NPSR1: variants seen among roughly 807,000 people sequenced by gnomAD.
NPSR1 encodes neuropeptide S receptor 1, also known as neuropeptide S receptor.
Under a neutral mutation model 46.9 loss-of-function variants are expected in NPSR1, and 48 were observed. That is an observed-to-expected ratio of 1.02 (90% CI 0.81 to 1.30). NPSR1 has a LOEUF of 1.30. NPSR1 is among the 50% of genes most tolerant of loss of function. NPSR1 has a pLI of 0.00. For synonymous variants in NPSR1, 176 were observed against 168.1 expected (o/e 1.05, Z -0.36); for missense variants, 450 against 449.5 (o/e 1.00, Z -0.01).
intron 2 of NPSR1, among the ~76,000 whole-genome samples, chr7:34,687,000 CT>C (rs1277418006): frequency 1.4e-5 from 2 of 146,704 alleles, no homozygotes; most frequent in South Asian, 2.2e-4. Context: ...TCAGTTTTAC[CT>C]TGCTTCAGCC....
intron 8 of NPSR1, among the ~76,000 whole-genome samples, chr7:34,876,798 A>G (rs1791585580): frequency 6.6e-6 from 1 of 152,190 alleles, no homozygotes; most frequent in South Asian, 2.1e-4. Context: ...GTCTGAGACC[A>G]TTGAATATGA....
intron 1 of NPSR1, among the ~76,000 whole-genome samples, chr7:34,669,552 G>C (rs554517283): frequency 2.3e-4 from 35 of 150,176 alleles, no homozygotes; most frequent in African/African-American, 8.4e-4. Context: ...CTGGGCGACA[G>C]AGCGAGACTC....
chr7:34,764,915 AAGAGAAGC>A (rs1562711451), intron 2 of NPSR1, among the ~76,000 whole-genome samples: 1 of 152,204 alleles, frequency 6.6e-6, no homozygotes, highest in Non-Finnish European at 1.5e-5. Context: ...ACTGGGACAA[AAGAGAAGC>A]CCTAAAACCA....
chr7:34,809,460 A>ATTTTTTTT (rs1157591101), intron 3 of NPSR1, among the ~76,000 whole-genome samples: 7 of 110,822 alleles, frequency 6.3e-5, no homozygotes, highest in Non-Finnish European at 1.1e-4. Flanking sequence ...TCACCCAGGT[A>ATTTTTTTT]TTTTTTTTTT....
At chr7:34,838,118 C>A (rs563604296) in intron 6 of NPSR1, among the ~76,000 whole-genome samples, 2 of 152,260 alleles carry the variant, frequency 1.3e-5, no homozygotes, top group South Asian at 4.2e-4. Flanking sequence ...TTGCTCACCA[C>A]CTTCCTCAGC....
chr7:34,854,812 C>T (rs1469468034), downstream of NPSR1, among the ~76,000 whole-genome samples: 2 of 151,894 alleles, frequency 1.3e-5, no homozygotes, highest in Admixed American at 6.6e-5. Flanking sequence ...AGGAAGAGCA[C>T]TTTACCTTAC....
At chr7:34,751,485 C>G in intron 2 of NPSR1, 1 of 1,275,600 alleles carries the variant, frequency 7.8e-7, no homozygotes, top group Admixed American at 1.7e-5. Context: ...GTTCTGCCTC[C>G]GTGTCATCTG....
intron 1 of NPSR1, among the ~76,000 whole-genome samples, chr7:34,666,769 C>T (rs994555084): frequency 2.6e-5 from 4 of 152,038 alleles, no homozygotes; most frequent in African/African-American, 7.2e-5. Flanking sequence ...TGCATTATTA[C>T]ACATTTGGAG....
At position 34,771,263 on chromosome 7, in the gene NPSR1, C is replaced by T. The variant is rs938922581; in HGVS notation, c.281-7199C>T. Among the ~76,000 whole-genome samples, 6 of 152,030 alleles carry T rather than the reference C, an allele frequency of 3.9e-5. No individual in the cohort carries two copies. In the East Asian group the frequency reaches 5.8e-4, roughly 15 times the overall value. ...CAGCCTGGGCAACATAGTGAGATCC[C>T]GTCTCTATGAAAATTTTTAAAAAGT... is the stretch of plus-strand genomic sequence containing the variant. On this transcript the variant is annotated intron_variant, in intron 2 of 8. Transcript: ENST00000360581.
chr7:34,801,983 A>C (rs2128747620), intron 3 of NPSR1, among the ~76,000 whole-genome samples: 1 of 149,838 alleles, frequency 6.7e-6, no homozygotes, highest in African/African-American at 2.6e-5. Flanking sequence ...AAAGAGAATA[A>C]AATACCTAGG....
At chr7:34,821,112 T>C (rs575000913) in intron 4 of NPSR1, among the ~76,000 whole-genome samples, 3 of 149,688 alleles carry the variant, frequency 2.0e-5, no homozygotes, top group Non-Finnish European at 4.4e-5. Context: ...TTTACATTCA[T>C]GGATTTGTGA....
chr7:34,831,136 G>T (rs1437132472), intron 5 of NPSR1, among the ~76,000 whole-genome samples: 4 of 152,178 alleles, frequency 2.6e-5, no homozygotes, highest in African/African-American at 9.7e-5. Flanking sequence ...TCTCATGAGT[G>T]CAGGGACTGT....
At chr7:34,821,752 A>G (rs1012276006) in intron 4 of NPSR1, among the ~76,000 whole-genome samples, 7 of 152,226 alleles carry the variant, frequency 4.6e-5, no homozygotes, top group Admixed American at 2.0e-4. Context: ...CTAAATTATC[A>G]GAAAGGCAGC....
At chr7:34,670,684 T>C (rs1188271224) in intron 1 of NPSR1, among the ~76,000 whole-genome samples, 1 of 151,722 alleles carries the variant, frequency 6.6e-6, no homozygotes, top group Non-Finnish European at 1.5e-5. Context: ...AAATAAATAA[T>C]ATTTCTAATG....
At chr7:34,715,740 T>C (rs1186497602) in intron 2 of NPSR1, among the ~76,000 whole-genome samples, 8 of 152,222 alleles carry the variant, frequency 5.3e-5, no homozygotes, top group Admixed American at 5.2e-4. Context: ...ACCATAAGCC[T>C]CGCCTATTTT....
chr7:34,726,699 T>C (rs564547306), intron 2 of NPSR1, among the ~76,000 whole-genome samples: 18 of 151,350 alleles, frequency 1.2e-4, no homozygotes, highest in Non-Finnish European at 2.1e-4. Context: ...TATCAAACCA[T>C]GAAGATATGA....
At chr7:34,846,228 GT>G (rs1790737294) in intron 7 of NPSR1, among the ~76,000 whole-genome samples, 1 of 152,132 alleles carries the variant, frequency 6.6e-6, no homozygotes, top group African/African-American at 2.4e-5. Context: ...TTACAAGTGT[GT>G]CCCAGAGCCT....
intron 8 of NPSR1, chr7:34,871,612 C>T (rs796434963): frequency 1.8e-4 from 28 of 151,982 alleles, no homozygotes; most frequent in African/African-American, 6.8e-4. Flanking sequence ...TTATTTGCTT[C>T]CAAGATACAA....
intron 3 of NPSR1, among the ~76,000 whole-genome samples, chr7:34,787,827 C>T (rs889809629): frequency 1.3e-5 from 2 of 152,002 alleles, no homozygotes; most frequent in Admixed American, 6.6e-5. Flanking sequence ...TGATTTACAG[C>T]ACCACAAAAC....
Sources: allele counts gnomAD v4.1 joint callset (sites outside exome capture counted in the v4.1 genomes callset), GRCh38; gene constraint gnomAD v4.1.1; transcripts MANE v1.5; gene names NCBI Gene and HGNC (gene_info 2026-07-23, HGNC 2026-07-21).